Variants in FAM193A observed in about 807,000 individuals in gnomAD.
FAM193A encodes family with sequence similarity 193 member A.
In FAM193A, 22 loss-of-function variants were observed where a neutral mutation model predicts 126.5. The ratio of observed to expected loss-of-function variants is 0.17; its 90% CI spans 0.12 to 0.25. The LOEUF (loss-of-function observed/expected upper bound fraction) is 0.25, where lower values mean the gene tolerates loss of function less well. Among genes scored for constraint, FAM193A ranks in the 10% least tolerant of loss-of-function variants. The pLI is 1.00. For synonymous variants in FAM193A, 761 were observed against 646.8 expected (o/e 1.18, Z -2.68); for missense variants, 1,675 against 1,672.8 (o/e 1.00, Z -0.02).
chr4:2,690,102 TG>T (rs1190792432), intron 14 of FAM193A, among the ~76,000 whole-genome samples: 2 of 152,196 alleles, frequency 1.3e-5, no homozygotes, highest in African/African-American at 4.8e-5. Flanking sequence ...CTTAAATCTG[TG>T]ACTCACACTC....
intron 1 of FAM193A, among the ~76,000 whole-genome samples, chr4:2,547,499 A>G (rs917310873): frequency 2.0e-5 from 3 of 151,948 alleles, no homozygotes; most frequent in Non-Finnish European, 2.9e-5. Context: ...CGATCCTCCC[A>G]CCTTGGCTTC....
intron 1 of FAM193A, among the ~76,000 whole-genome samples, chr4:2,595,288 A>G (rs945855167): frequency 1.3e-5 from 2 of 152,124 alleles, no homozygotes; most frequent in African/African-American, 4.8e-5. Context: ...AGCTCAAATG[A>G]TCATCTCACC....
intron 2 of FAM193A, among the ~76,000 whole-genome samples, chr4:2,611,110 A>G (rs376902260): frequency 2.0e-5 from 3 of 152,234 alleles, no homozygotes; most frequent in East Asian, 1.9e-4. Context: ...GCTGAGTCCT[A>G]TAGGGTAAGT....
intron 14 of FAM193A, 148 bp from the exon 15 acceptor site, chr4:2,690,550 A>T: frequency 1.4e-6 from 1 of 701,540 alleles, no homozygotes; most frequent in Non-Finnish European, 2.4e-6. Context: ...TTCTTAGATT[A>T]AAAGCTAGTT....
At chr4:2,681,972 G>GGTT (rs1403061964) in intron 13 of FAM193A, among the ~76,000 whole-genome samples, 4 of 129,204 alleles carry the variant, frequency 3.1e-5, no homozygotes, top group African/African-American at 1.1e-4. Context: ...ACTTCTCAGG[G>GGTT]TTTTTTTTTT....
Position 2,639,749 on chromosome 4 carries a change from G to A in FAM193A, c.1053G>A (p.Leu351=), listed in dbSNP as rs930337751. Residue 351 remains leucine (L), a synonymous_variant, in exon 6 of 21, where the codon TTG becomes TTA. Transcript: ENST00000637812. Reference sequence around the variant, plus strand: ...TTCTTAACCAGGAAAATGAACACTTGAAAAAGTTCCAAGTGACGTGGGAAC... The same window carrying A: ...TTCTTAACCAGGAAAATGAACACTTAAAAAAGTTCCAAGTGACGTGGGAAC... The part of the protein sequence containing the change: ...TFLGTLENEH[L]KKFQVTWELH... 6.2e-7 allele frequency: 1 copy of A among 1,611,456 alleles called. No homozygotes were observed. The highest frequency in any genetic ancestry group is 8.5e-7 in the Non-Finnish European group (1 of 1,178,734).
At chr4:2,537,195 T>G in intron 1 of FAM193A, 25 bp downstream of exon 1, 1 of 196,622 alleles carries the variant, frequency 5.1e-6, no homozygotes, top group Non-Finnish European at 1.0e-5. Context: ...CGGGCAGGGG[T>G]CGATGGCGGT....
intron 2 of FAM193A, among the ~76,000 whole-genome samples, chr4:2,621,632 C>T (rs2857799): frequency 0.097 from 14,742 of 152,050 alleles, 1,491 homozygotes; most frequent in African/African-American, 0.26. Context: ...AATAGGTGTG[C>T]CACTAGAGAG....
intron 2 of FAM193A, among the ~76,000 whole-genome samples, chr4:2,621,123 A>G (rs1221242827): frequency 1.3e-5 from 2 of 152,122 alleles, no homozygotes; most frequent in African/African-American, 2.4e-5. Context: ...ACTGATGAGG[A>G]GCTGCCTCAG....
chr4:2,544,429 G>A (rs1303038758), intron 1 of FAM193A, among the ~76,000 whole-genome samples: 2 of 151,824 alleles, frequency 1.3e-5, no homozygotes, highest in Admixed American at 6.6e-5. Context: ...CTGGCCAGGC[G>A]CTGTGGCTCA....
intron 20 of FAM193A, chr4:2,719,956 A>ATTT (rs758113607): frequency 1.0e-5 from 3 of 290,902 alleles, no homozygotes; most frequent in African/African-American, 2.3e-5. Flanking sequence ...TGCCTGGCTA[A>ATTT]TTTTTTTTTT....
chr4:2,706,965 A>T lies in FAM193A; in HGVS notation c.4372+6421A>T, dbSNP rs552381259. Among the ~76,000 whole-genome samples, 6 of 151,824 alleles carry T rather than the reference A, an allele frequency of 4.0e-5. No homozygotes were observed. In the South Asian group the frequency reaches 1.2e-3, roughly 32 times the overall value. ...GTGAAACACCATCTCTACTAAAGAT[A>T]AAAAAAATTAGCCAGGTGTGGTGGC... is the stretch of plus-strand genomic sequence containing the variant. On this transcript the variant is annotated intron_variant, in intron 19 of 20. Transcript: ENST00000637812.
intron 2 of FAM193A, among the ~76,000 whole-genome samples, chr4:2,606,315 G>C (rs1234035779): frequency 1.3e-5 from 2 of 152,124 alleles, no homozygotes; most frequent in East Asian, 1.9e-4. Context: ...CTCCCAAAGT[G>C]TTGGGATTAT....
chr4:2,695,137 C>T lies in FAM193A; in HGVS notation c.3276+8C>T, dbSNP rs1716888596. On this transcript the variant is annotated splice_region_variant and intron_variant, in intron 17 of 20. Transcript: ENST00000637812. ...TTCTTTGGGCACGGCGGGGTGAGTG[C>T]ATGAGGTCAGCGCATCATGATGTGG... is the stretch of plus-strand genomic sequence containing the variant. 3 of 1,584,626 alleles carry T rather than the reference C, an allele frequency of 1.9e-6. No homozygotes were observed. The highest frequency in any genetic ancestry group is 1.8e-5 in the Admixed American group (1 of 55,728).
intron 1 of FAM193A, among the ~76,000 whole-genome samples, chr4:2,550,776 T>G (rs1427034993): frequency 0.13 from 432 of 3,290 alleles, 6 homozygotes; most frequent in African/African-American, 0.34. Context: ...TATATTTTTA[T>G]TTATTTATTT....
intron 19 of FAM193A, among the ~76,000 whole-genome samples, chr4:2,702,323 C>G (rs1156362132): frequency 1.3e-5 from 2 of 152,172 alleles, no homozygotes; most frequent in African/African-American, 2.4e-5. Flanking sequence ...TGATGCGGCC[C>G]TACCAGCCTT....
At chr4:2,546,604 C>T (rs1022954141) in intron 1 of FAM193A, among the ~76,000 whole-genome samples, 22 of 152,238 alleles carry the variant, frequency 1.4e-4, no homozygotes, top group African/African-American at 4.6e-4. Flanking sequence ...GTATCAGTAG[C>T]TTGTTCTTTT....
intron 1 of FAM193A, among the ~76,000 whole-genome samples, chr4:2,544,223 C>A (rs1489817322): frequency 1.3e-5 from 2 of 152,150 alleles, no homozygotes; most frequent in African/African-American, 2.4e-5. Context: ...GTCTGTGATT[C>A]AGTATTTTTT....
chr4:2,587,008 TTTTGG>T (rs1740276563), intron 1 of FAM193A, among the ~76,000 whole-genome samples: 2 of 152,122 alleles, frequency 1.3e-5, no homozygotes, highest in African/African-American at 4.8e-5. Flanking sequence ...TTCATGAATG[TTTTGG>T]TTATTCTTGG....
Sources: allele counts gnomAD v4.1 joint callset (sites outside exome capture counted in the v4.1 genomes callset), GRCh38; gene constraint gnomAD v4.1.1; transcripts MANE v1.5; gene names NCBI Gene and HGNC (gene_info 2026-07-23, HGNC 2026-07-21).